The following FLYWCH2 variants were observed in gnomAD, a reference collection of about 807,000 sequenced individuals.
The protein encoded by FLYWCH2 is FLYWCH family member 2.
FLYWCH2 carries 2 observed loss-of-function variants against 6.0 expected under a neutral mutation model. The observed-to-expected ratio is 0.33, with a 90% CI of 0.14 to 1.04. The LOEUF (loss-of-function observed/expected upper bound fraction) is 1.04, where lower values mean the gene tolerates loss of function less well. Ranked by LOEUF, FLYWCH2 falls within the 50% of genes least tolerant of loss-of-function variation. The pLI, the probability that FLYWCH2 is intolerant of heterozygous loss-of-function variation, is 0.45. For synonymous variants in FLYWCH2, 87 were observed against 79.3 expected (o/e 1.10, Z -0.52); for missense variants, 192 against 183.4 (o/e 1.05, Z -0.27).
In FLYWCH2 at chr16:2,899,079, C is replaced by T. The variant is rs2069854043; in HGVS notation, c.353C>T (p.Ala118Val). The change falls in exon 4 of 4, where the codon GCA (alanine) becomes GTA (valine). Residue 118 changes from alanine to valine, a missense_variant. Transcript: ENST00000396958. ...GACAGAACAGAAGACAGTGGATTAG[C>T]AGCGGGGCCTCCTGAGGCTGCTGGG... ...GTDRTEDSGL[A>V]AGPPEAAGEN... 6.2e-7 allele frequency: 1 copy of T among 1,613,630 alleles called. No individual in the cohort carries two copies. The highest frequency in any genetic ancestry group is 1.1e-5 in the South Asian group (1 of 91,040).
At chr16:2,897,729 G>A (rs2069839540) in intron 3 of FLYWCH2, among the ~76,000 whole-genome samples, 1 of 152,244 alleles carries the variant, frequency 6.6e-6, no homozygotes, top group African/African-American at 2.4e-5. Flanking sequence ...CCCCACAGCA[G>A]GTCCTGCCTC....
intron 2 of FLYWCH2, among the ~76,000 whole-genome samples, chr16:2,895,856 C>T (rs570041356): frequency 1.8e-4 from 28 of 152,354 alleles, no homozygotes; most frequent in African/African-American, 5.5e-4. Context: ...GGACAAAGTA[C>T]ACCAGATGCT....
chr16:2,888,877 G>A (rs999366980), intron 1 of FLYWCH2, among the ~76,000 whole-genome samples: 3 of 152,094 alleles, frequency 2.0e-5, no homozygotes, highest in East Asian at 1.9e-4. Flanking sequence ...AAGAGCAGAA[G>A]TAACTTTTTA....
intron 1 of FLYWCH2, among the ~76,000 whole-genome samples, chr16:2,888,907 C>G (rs1385735986): frequency 6.6e-6 from 1 of 152,040 alleles, no homozygotes; most frequent in Non-Finnish European, 1.5e-5. Flanking sequence ...GTCATGGAAG[C>G]AAATTTATTA....
chr16:2,888,146 C>G (rs1471626727), intron 1 of FLYWCH2, among the ~76,000 whole-genome samples: 1 of 151,890 alleles, frequency 6.6e-6, no homozygotes, highest in African/African-American at 2.4e-5. Context: ...GTAGCTGTGA[C>G]TATAGTTGCA....
At chr16:2,896,294 C>A in intron 2 of FLYWCH2, 58 bp from the exon 3 acceptor site, 2 of 962,368 alleles carry the variant, frequency 2.1e-6, no homozygotes, top group Non-Finnish European at 3.0e-6. Flanking sequence ...CTCCCAGATC[C>A]ACGTCTAGAG....
At position 2,896,786 on chromosome 16, in the gene FLYWCH2, C is replaced by T. The variant is rs377554608; in HGVS notation, c.322+15C>T. 16 of 1,603,472 alleles carry T rather than the reference C, an allele frequency of 1.0e-5. No individual in the cohort carries two copies. The highest frequency in any genetic ancestry group is 5.3e-5 in the African/African-American group (4 of 74,876). On this transcript the variant is annotated intron_variant, in intron 3 of 3. Transcript: ENST00000396958. ...GCAGGACCCAGGTGAGGCTCCACAG[C>T]GGCCCCCCAGGACAGCTCGGCACCT...
intron 1 of FLYWCH2, among the ~76,000 whole-genome samples, chr16:2,890,157 T>C (rs1229449862): frequency 6.6e-6 from 1 of 152,026 alleles, no homozygotes; most frequent in African/African-American, 2.4e-5. Context: ...GCACTTTTTG[T>C]GTTCGGAGGT....
At chr16:2,894,495 T>G (rs555531132) in intron 1 of FLYWCH2, among the ~76,000 whole-genome samples, 1 of 152,282 alleles carries the variant, frequency 6.6e-6, no homozygotes, top group East Asian at 1.9e-4. Flanking sequence ...GGGCCTCCCG[T>G]AACTCTTTAC....
chr16:2,890,455 C>T (rs1326070490), intron 1 of FLYWCH2, among the ~76,000 whole-genome samples: 1 of 151,072 alleles, frequency 6.6e-6, no homozygotes, highest in Non-Finnish European at 1.5e-5. Context: ...GCTCTTGTTG[C>T]CCAGGCTGGA....
At position 2,884,572 on chromosome 16, in the gene FLYWCH2, A is replaced by AAAAAAAAAAAAAAC. The variant is rs1361317929; in HGVS notation, c.-200+1211_-200+1212insAAAAAAAACAAAAA. ...CCCGTCTCTACTAAAAAAAAAAAAAAAAAAATACAAAAATTAGTCGGGGCC... is the reference window on the plus strand; with the variant it reads ...CCCGTCTCTACTAAAAAAAAAAAAAAAAAAAAAAAAAAACAAAAATACAAAAATTAGTCGGGGCC... On this transcript the variant is annotated intron_variant, in intron 1 of 3. Coordinates refer to ENST00000396958, the MANE Select transcript of FLYWCH2 (RefSeq NM_138439.3). Among the ~76,000 whole-genome samples, 9 of 146,134 alleles carry AAAAAAAAAAAAAAC rather than the reference A, an allele frequency of 6.2e-5. 1 individual carries two copies. Among genetic ancestry groups the AAAAAAAAAAAAAAC allele is most frequent in the Non-Finnish European group, 3.0e-5 (2 of 66,344 alleles).
At chr16:2,892,907 AAT>A (rs1491420009) in intron 1 of FLYWCH2, among the ~76,000 whole-genome samples, 71,931 of 130,262 alleles carry the variant, frequency 0.55, 18,117 homozygotes, top group Non-Finnish European at 0.61. Flanking sequence ...TATGTCATAT[AAT>A]ATATATTATA....
At position 2,899,119 on chromosome 16, in the gene FLYWCH2, C is replaced by A. The variant is rs2069854829; in HGVS notation, c.393C>A (p.Pro131=). The change falls in exon 4 of 4, where the codon CCC becomes CCA. Residue 131 remains proline (P), a synonymous_variant. Coordinates refer to ENST00000396958, the MANE Select transcript of FLYWCH2 (RefSeq NM_138439.3). ...AGGCTGCTGGGGAGAACTTTGCCCCCTGCTCTGTGGCGCCCGGCAAGTCCC... is the reference window on the plus strand; with the variant it reads ...AGGCTGCTGGGGAGAACTTTGCCCCATGCTCTGTGGCGCCCGGCAAGTCCC... ...PPEAAGENFA[P]CSVAPGKSL 1.2e-6 allele frequency: 2 copies of A among 1,613,672 alleles called. No individual in the cohort carries two copies. The highest frequency in any genetic ancestry group is 2.7e-5 in the African/African-American group (2 of 75,002).
At position 2,893,927 on chromosome 16, in the gene FLYWCH2, C is replaced by T. The variant is rs1420997050; in HGVS notation, c.-199-1293C>T. On this transcript the variant is annotated intron_variant, in intron 1 of 3. Coordinates refer to ENST00000396958, the MANE Select transcript of FLYWCH2 (RefSeq NM_138439.3). ...TGCTGGGATTACAAGCGTGAGCCAC[C>T]GCGCCCGGCCCCTTTGGGGCCCTTT... 6.6e-5 allele frequency among the ~76,000 whole-genome samples: 10 copies of T among 152,104 alleles called. No homozygotes were observed. In the East Asian group the frequency reaches 1.4e-3, roughly 21 times the overall value.
At chr16:2,894,963 G>T (rs769123370) in intron 1 of FLYWCH2, among the ~76,000 whole-genome samples, 1 of 152,168 alleles carries the variant, frequency 6.6e-6, no homozygotes, top group South Asian at 2.1e-4. Context: ...GGGGAAAGTG[G>T]GTGTCTCTGG....
Position 2,896,481 on chromosome 16 carries a change from G to A in FLYWCH2, c.32G>A (p.Gly11Asp), listed in dbSNP as rs145971095. The A allele has an allele frequency of 2.5e-6, 4 of 1,613,714 alleles. No homozygotes were observed. The South Asian group carries it at 3.3e-5, about 13-fold the overall frequency. ...CTGCCCGAGCCCAGCGAGCAGGAGG[G>A]TGAGAGTGTGAAGGCCAGCCAGGAG... MPLPEPSEQE[G>D]ESVKASQEPS... Residue 11 changes from glycine (G) to aspartate (D), a missense_variant, in exon 3 of 4, where the codon GGT becomes GAT. Physicochemically the swap from Gly to Asp is moderately conservative, Grantham distance 94. Transcript: ENST00000396958.
intron 1 of FLYWCH2, among the ~76,000 whole-genome samples, chr16:2,884,690 C>A (rs1460390263): frequency 6.7e-6 from 1 of 150,366 alleles, no homozygotes; most frequent in Non-Finnish European, 1.5e-5. Context: ...GCCTGACCAA[C>A]ATGGAGAAAC....
At chr16:2,888,078 G>A (rs909103199) in intron 1 of FLYWCH2, among the ~76,000 whole-genome samples, 9 of 151,856 alleles carry the variant, frequency 5.9e-5, no homozygotes, top group African/African-American at 2.2e-4. Flanking sequence ...GCGTGATCTC[G>A]GCTCACTGCA....
chr16:2,893,496 A>G (rs1347140468), intron 1 of FLYWCH2, among the ~76,000 whole-genome samples: 1 of 152,182 alleles, frequency 6.6e-6, no homozygotes, highest in Non-Finnish European at 1.5e-5. Flanking sequence ...TTCTTGTTAC[A>G]GCTTAACGAG....
Sources: allele counts gnomAD v4.1 joint callset (sites outside exome capture counted in the v4.1 genomes callset), GRCh38; gene constraint gnomAD v4.1.1; transcripts MANE v1.5; gene names NCBI Gene and HGNC (gene_info 2026-07-23, HGNC 2026-07-21).